The following CDH13 variants were observed in gnomAD, a reference collection of about 807,000 sequenced individuals.
The protein encoded by CDH13 is cadherin 13, also known as cadherin-13.
In CDH13, 24 loss-of-function variants were observed where a neutral mutation model predicts 63.8. The ratio of observed to expected loss-of-function variants is 0.38; its 90% CI spans 0.27 to 0.53. The LOEUF (loss-of-function observed/expected upper bound fraction) is 0.53. Ranked by LOEUF, CDH13 falls within the 20% of genes least tolerant of loss-of-function variation. The probability of loss-of-function intolerance (pLI) is 0.85; values close to 1 mark genes in which losing one functional copy is unlikely to be tolerated. For synonymous variants in CDH13, 503 were observed against 355.3 expected (o/e 1.42, Z -4.67); for missense variants, 1,049 against 903.1 (o/e 1.16, Z -2.07).
chr16:83,154,627 G>A (rs1423912441), intron 4 of CDH13, among the ~76,000 whole-genome samples: 2 of 151,952 alleles, frequency 1.3e-5, no homozygotes, highest in African/African-American at 4.8e-5. Flanking sequence ...AGGCCGTAGT[G>A]TTACTGCAGC....
intron 8 of CDH13, among the ~76,000 whole-genome samples, chr16:83,646,704 A>ACAC (rs1165931427): frequency 6.4e-5 from 4 of 62,686 alleles, no homozygotes; most frequent in African/African-American, 2.5e-4. Context: ...AAAAAAAAAA[A>ACAC]AAAAAAAAAC....
chr16:83,049,870 A>G (rs2030096488), intron 3 of CDH13, among the ~76,000 whole-genome samples: 1 of 152,334 alleles, frequency 6.6e-6, no homozygotes, highest in Non-Finnish European at 1.5e-5. Context: ...TAATGCCACA[A>G]AAACATTGCA....
chr16:83,291,306 C>G (rs963782287), intron 5 of CDH13, among the ~76,000 whole-genome samples: 1 of 152,074 alleles, frequency 6.6e-6, no homozygotes, highest in Non-Finnish European at 1.5e-5. Context: ...GGGGGTTCTA[C>G]TTCTTCATCT....
intron 2 of CDH13, among the ~76,000 whole-genome samples, chr16:83,016,390 C>G (rs1011795099): frequency 1.6e-4 from 25 of 152,184 alleles, no homozygotes; most frequent in African/African-American, 5.3e-4. Flanking sequence ...CAAAAGGAGT[C>G]TGCTAATATT....
At chr16:83,652,108 A>G (rs1404710824) in intron 8 of CDH13, among the ~76,000 whole-genome samples, 1 of 152,196 alleles carries the variant, frequency 6.6e-6, no homozygotes, top group African/African-American at 2.4e-5. Context: ...CACCTCTGGA[A>G]GGAATATGCG....
intron 6 of CDH13, among the ~76,000 whole-genome samples, chr16:83,373,281 A>G (rs1026695141): frequency 2.6e-5 from 4 of 152,244 alleles, no homozygotes; most frequent in African/African-American, 9.6e-5. Context: ...GGATAGGAGC[A>G]TAACCTTGGG....
At chr16:83,027,694 G>C (rs1328277845) in intron 2 of CDH13, among the ~76,000 whole-genome samples, 1 of 152,192 alleles carries the variant, frequency 6.6e-6, no homozygotes, top group African/African-American at 2.4e-5. Flanking sequence ...CCAGGGAGCA[G>C]AGCTGTGTGG....
At chr16:82,842,001 C>A (rs1397425898) in intron 1 of CDH13, among the ~76,000 whole-genome samples, 1 of 150,462 alleles carries the variant, frequency 6.6e-6, no homozygotes, top group East Asian at 2.0e-4. Flanking sequence ...TAAACACTCA[C>A]TAGGATGCCC....
chr16:83,280,548 T>C (rs904488899), intron 5 of CDH13, among the ~76,000 whole-genome samples: 5 of 152,214 alleles, frequency 3.3e-5, no homozygotes, highest in Admixed American at 2.0e-4. Context: ...AAACCCCTGT[T>C]AATGTTGATA....
chr16:82,961,017 A>G (rs1366256342), intron 2 of CDH13, among the ~76,000 whole-genome samples: 1 of 152,152 alleles, frequency 6.6e-6, no homozygotes, highest in Non-Finnish European at 1.5e-5. Context: ...GTCTCCTGTG[A>G]GCTACAGTTG....
chr16:82,843,618 A>AT (rs1407735928), intron 1 of CDH13, among the ~76,000 whole-genome samples: 1 of 152,188 alleles, frequency 6.6e-6, no homozygotes. Flanking sequence ...CAATAGAAGA[A>AT]TTTTTCTGGT....
chr16:82,791,150 T>G (rs372609105), intron 1 of CDH13, among the ~76,000 whole-genome samples: 6 of 146,884 alleles, frequency 4.1e-5, no homozygotes, highest in South Asian at 2.1e-4. Context: ...GGCAGGAGAA[T>G]GGCATGAACC....
chr16:82,687,825 C>G (rs1312294106), intron 1 of CDH13, among the ~76,000 whole-genome samples: 7 of 152,106 alleles, frequency 4.6e-5, no homozygotes, highest in Admixed American at 4.6e-4. Context: ...CAGCAAGAGT[C>G]TCTTTTCAAA....
intron 7 of CDH13, among the ~76,000 whole-genome samples, chr16:83,594,500 G>A (rs1907071084): frequency 6.6e-6 from 1 of 152,164 alleles, no homozygotes. Context: ...TGGAGCCTCT[G>A]TGCTGTGAAT....
chr16:83,204,036 T>C (rs1191327520), intron 4 of CDH13, among the ~76,000 whole-genome samples: 1 of 152,192 alleles, frequency 6.6e-6, no homozygotes, highest in Non-Finnish European at 1.5e-5. Context: ...AATCGAGACT[T>C]TGAAGTCCCT....
At chr16:83,127,295 A>G (rs897924984) in intron 4 of CDH13, among the ~76,000 whole-genome samples, 1 of 152,166 alleles carries the variant, frequency 6.6e-6, no homozygotes, top group Non-Finnish European at 1.5e-5. Flanking sequence ...TCCCCAGAAG[A>G]CTGCATGTTT....
intron 3 of CDH13, among the ~76,000 whole-genome samples, chr16:83,041,163 A>G (rs1272253247): frequency 6.6e-6 from 1 of 152,208 alleles, no homozygotes; most frequent in African/African-American, 2.4e-5. Flanking sequence ...AATAAAGGGA[A>G]ACTGGTCTCT....
chr16:83,323,183 TTTC>T (rs1331867739), intron 5 of CDH13, among the ~76,000 whole-genome samples: 21 of 62,212 alleles, frequency 3.4e-4, no homozygotes, highest in African/African-American at 1.3e-3. Context: ...TTTTTCTTTC[TTTC>T]TTTCTTTCTT....
chr16:82,660,815 T>A (rs1911853223), intron 1 of CDH13, among the ~76,000 whole-genome samples: 1 of 152,212 alleles, frequency 6.6e-6, no homozygotes, highest in African/African-American at 2.4e-5. Flanking sequence ...CGTCTGCTGC[T>A]GCTGCTTCAA....
Sources: allele counts gnomAD v4.1 joint callset (sites outside exome capture counted in the v4.1 genomes callset), GRCh38; gene constraint gnomAD v4.1.1; transcripts MANE v1.5; gene names NCBI Gene and HGNC (gene_info 2026-07-23, HGNC 2026-07-21).